TRPA1: variants seen among roughly 807,000 people sequenced by gnomAD.
The protein encoded by TRPA1 is ankyrin-like with transmembrane domains 1.
A neutral mutation model predicts 131.3 loss-of-function variants in TRPA1; 129 were observed. That is an observed-to-expected ratio of 0.98 (90% confidence interval 0.85 to 1.14). The LOEUF (loss-of-function observed/expected upper bound fraction) is 1.14. Ranked by LOEUF, TRPA1 falls within the 50% of genes most tolerant of loss-of-function variation. TRPA1 has a pLI of 0.00. For synonymous variants in TRPA1, 441 were observed against 451.7 expected, an observed-to-expected ratio of 0.98 and a Z score of 0.30; for missense variants, 1,304 against 1,354.2, an observed-to-expected ratio of 0.96 and a Z score of 0.58.
Position 72,030,813 on chromosome 8 carries a change from A to C in TRPA1, c.2869-844T>G, listed in dbSNP as rs538039427. Among the ~76,000 whole-genome samples, 9 of 152,346 alleles carry C rather than the reference A, an allele frequency of 5.9e-5. No homozygotes were observed. The East Asian group carries it at 1.5e-3, about 26-fold the overall frequency. On this transcript the variant is annotated intron_variant, in intron 23 of 26. Coordinates refer to ENST00000262209, the MANE Select transcript of TRPA1 (RefSeq NM_007332.3). ...AAAACATATACTATAGGGGCAGGAG[A>C]GGCTCTGGTGAGAAACCAGAAATTT... is the stretch of plus-strand genomic sequence containing the variant.
chr8:72,075,676 G>A (rs968084952), upstream of TRPA1: 9 of 505,610 alleles, frequency 1.8e-5, no homozygotes, highest in East Asian at 1.1e-4. Flanking sequence ...TCGCAAAGAG[G>A]GCGGCGGCGC....
intron 19 of TRPA1, among the ~76,000 whole-genome samples, chr8:72,038,373 A>C (rs1812132889): frequency 6.6e-6 from 1 of 152,100 alleles, no homozygotes; most frequent in South Asian, 2.1e-4. Flanking sequence ...AATACATATA[A>C]CAAAACTTAC....
chr8:72,059,758 G>GA (rs1805763288), intron 7 of TRPA1, among the ~76,000 whole-genome samples: 1 of 152,130 alleles, frequency 6.6e-6, no homozygotes. Flanking sequence ...AAAAGACAAG[G>GA]AAATCACTGG....
chr8:72,078,121 G>T (rs558452318), upstream of TRPA1, among the ~76,000 whole-genome samples: 237 of 151,436 alleles, frequency 1.6e-3, 1 homozygote, highest in African/African-American at 5.5e-3. Flanking sequence ...TAATTATTTT[G>T]TTCCTTAAAT....
chr8:72,030,103 A>G, intron 23 of TRPA1, 134 bp from the exon 24 acceptor site: 1 of 857,704 alleles, frequency 1.2e-6, no homozygotes, highest in South Asian at 1.4e-5. Context: ...AGCATAAGTT[A>G]ATTGCTTATG....
the TRPA1 span, among the ~76,000 whole-genome samples, chr8:72,086,026 G>A: frequency 2.0e-5 from 3 of 151,980 alleles, no homozygotes; most frequent in African/African-American, 4.8e-5. Flanking sequence ...TCAGCTTCCC[G>A]AGTAGCTGGG....
chr8:72,037,937 A>G, intron 20 of TRPA1, 46 bp downstream of exon 20: 1 of 1,112,358 alleles, frequency 9.0e-7, no homozygotes, highest in Non-Finnish European at 1.4e-6. Context: ...TATGTTCTGC[A>G]TATGAAAATA....
intron 19 of TRPA1, 88 bp downstream of exon 19, chr8:72,038,777 A>T (rs1744914290): frequency 8.8e-7 from 1 of 1,134,522 alleles, no homozygotes; most frequent in Admixed American, 2.2e-5. Context: ...AAGTCCTGAT[A>T]TGTCAGATTT....
chr8:72,027,566 A>C (rs1585834888), intron 24 of TRPA1, among the ~76,000 whole-genome samples: 1 of 152,028 alleles, frequency 6.6e-6, no homozygotes, highest in Non-Finnish European at 1.5e-5. Flanking sequence ...TACTCATAAC[A>C]CCTGCCCCTG....
chr8:72,059,270 T>G (rs12541200), intron 8 of TRPA1, 120 bp downstream of exon 8: 255,851 of 692,348 alleles, frequency 0.37, 49,560 homozygotes, highest in Admixed American at 0.56. Context: ...TTTTGTATAC[T>G]TTTTGCTGAT....
the TRPA1 span, among the ~76,000 whole-genome samples, chr8:72,080,586 C>T: frequency 1.3e-5 from 2 of 151,554 alleles, no homozygotes; most frequent in Non-Finnish European, 3.0e-5. Context: ...TAGTGGCCTC[C>T]CTGAATAAGT....
At chr8:72,049,919 G>C (rs183371341) in intron 15 of TRPA1, among the ~76,000 whole-genome samples, 145 of 148,360 alleles carry the variant, frequency 9.8e-4, no homozygotes, top group African/African-American at 3.3e-3. Context: ...AAAGGGAGAG[G>C]TGGGGCATTT....
intron 20 of TRPA1, among the ~76,000 whole-genome samples, chr8:72,036,971 C>T (rs1255401975): frequency 6.6e-6 from 1 of 152,088 alleles, no homozygotes; most frequent in Non-Finnish European, 1.5e-5. Context: ...ACTTAAATAT[C>T]AATAAGAAAA....
Position 72,032,676 on chromosome 8 carries a change from T to C in TRPA1, c.2868+968A>G, listed in dbSNP as rs993489330. On this transcript the variant is annotated intron_variant, in intron 23 of 26. Transcript: ENST00000262209. ...TTCTGGATAATTATCTTCCAAAGCA[T>C]AAACAATTATTGGAGAACAATGTGG... Among the ~76,000 whole-genome samples the C allele has an allele frequency of 7.2e-5, 11 of 152,326 alleles. No homozygotes were observed. In the South Asian group the frequency reaches 2.3e-3, roughly 32 times the overall value.
chr8:72,075,441 T>C lies in TRPA1; in HGVS notation c.-32A>G. ...CACCCCGGACGCCACCTGGTGCAGC[T>C]GCTCACCACGCGCGCGGGCACCTGG... On this transcript the variant is annotated 5_prime_UTR_variant, in exon 1 of 27. Transcript: ENST00000262209. 1 of 1,553,508 alleles carries C rather than the reference T, an allele frequency of 6.4e-7. No individual in the cohort carries two copies. Among genetic ancestry groups the C allele is most frequent in the Non-Finnish European group, 8.8e-7 (1 of 1,134,770 alleles).
chr8:72,068,038 T>C (rs1805972255), intron 3 of TRPA1, among the ~76,000 whole-genome samples: 1 of 152,178 alleles, frequency 6.6e-6, no homozygotes, highest in South Asian at 2.1e-4. Context: ...TTGATTCCAA[T>C]ATCACGTGTT....
chr8:72,046,717 A>T (rs1805336734), intron 16 of TRPA1, 109 bp from the exon 17 acceptor site: 1 of 633,238 alleles, frequency 1.6e-6, no homozygotes, highest in East Asian at 2.8e-5. Flanking sequence ...TCTGCTGAAA[A>T]TTAAGTGATT....
rs961295376 is a variant in TRPA1, at chr8:72,055,760, A to G, written c.1290T>C (p.Asn430=). 2 of 1,612,938 alleles carry G rather than the reference A, an allele frequency of 1.2e-6. No homozygotes were observed. Among genetic ancestry groups the G allele is most frequent in the South Asian group, 1.1e-5 (1 of 91,046 alleles). ...TGGACACATTAAAGCCAAGTAGGTT[A>G]TTTACAGAACCAGGGCCCCCCTGTC... ...ACRQGGPGSV[N]NLLGFNVSIH... The change falls in exon 11 of 27, where the codon AAT becomes AAC. Residue 430 remains asparagine (N), a synonymous_variant. Coordinates refer to ENST00000262209, the MANE Select transcript of TRPA1 (RefSeq NM_007332.3).
At chr8:72,085,382 C>A in the TRPA1 span, among the ~76,000 whole-genome samples, 1 of 152,100 alleles carries the variant, frequency 6.6e-6, no homozygotes, top group Non-Finnish European at 1.5e-5. Context: ...GTGGAATTGA[C>A]AGTTTAGTCA....
Sources: allele counts gnomAD v4.1 joint callset (sites outside exome capture counted in the v4.1 genomes callset), GRCh38; gene constraint gnomAD v4.1.1; transcripts MANE v1.5; gene names NCBI Gene and HGNC (gene_info 2026-07-23, HGNC 2026-07-21).